The following FBF1 variants were observed in gnomAD, a reference collection of about 807,000 sequenced individuals.
FBF1 encodes the protein fas-binding factor 1.
A neutral mutation model predicts 147.2 loss-of-function variants in FBF1; 119 were observed. The ratio of observed to expected loss-of-function variants is 0.81; its 90% confidence interval spans 0.70 to 0.94. FBF1 has a LOEUF of 0.94. Ranked by LOEUF, FBF1 falls within the 40% of genes least tolerant of loss-of-function variation. FBF1 has a pLI of 0.00. For missense variants in FBF1, 1,449 were observed against 1,500.8 expected (o/e 0.97, Z 0.57); for synonymous variants, 601 against 609.0 (o/e 0.99, Z 0.19).
In FBF1 at chr17:75,914,879, C is replaced by T. The variant is rs751612554; in HGVS notation, c.2682G>A (p.Arg894=). The T allele has an allele frequency of 2.5e-6, 4 of 1,612,192 alleles. No individual in the cohort carries two copies. The Admixed American group carries it at 6.7e-5, about 27-fold the overall frequency. The change falls in exon 25 of 30, where the codon CGG becomes CGA. Residue 894 remains arginine (R), a synonymous_variant. Coordinates refer to ENST00000636174, the MANE Select transcript of FBF1 (RefSeq NM_001319193.2). ...KSVMLKCGEE[R]RRLAAEWAEF... is the part of the protein sequence containing the mutation. Reference sequence around the variant, plus strand: ...CCGCCCACTCGGCAGCCAGGCGCCGCCGCTCCTCCCCGCACTTGAGCATGA... The same window carrying T: ...CCGCCCACTCGGCAGCCAGGCGCCGTCGCTCCTCCCCGCACTTGAGCATGA...
In FBF1 at chr17:75,910,204, G is replaced by A. The variant is rs984039625; in HGVS notation, c.*519C>T. The A allele has an allele frequency of 5.3e-6, 2 of 379,824 alleles. No homozygotes were observed. Among genetic ancestry groups the A allele is most frequent in the Admixed American group, 7.2e-5 (2 of 27,900 alleles). The allele number at this position is 379,824 out of a possible 1,614,324, so 23.5% of individuals were successfully genotyped here. A position where few individuals can be genotyped will look rare whatever the true frequency, so the allele number is the denominator to read the frequency against. ...GTTCCAGGAACATCTCACACCACAAGGGAGGATCTAGCTGGTGCCCTCCCT... is the reference window on the plus strand; with the variant it reads ...GTTCCAGGAACATCTCACACCACAAAGGAGGATCTAGCTGGTGCCCTCCCT... On this transcript the variant is annotated 3_prime_UTR_variant, in exon 30 of 30. Transcript: ENST00000636174. This position sits in a 1 kb window ranked among gnomAD's most constrained non-coding sequence, Gnocchi z 4.1.
rs755440098 is a variant in FBF1, at chr17:75,921,527, T to G, written c.1560A>C (p.Ala520=). ...SPVTQNHAAS[A]LPTGSPKRGT... is the part of the protein sequence containing the mutation. ...CCCTCTTTGGGGAACCTGTAGGGAG[T>G]GCTGAGGCGGCATGGTTCTGAGTCA... Residue 520 remains alanine (A), a synonymous_variant, in exon 16 of 30, where the codon GCA becomes GCC. Coordinates refer to ENST00000636174, the MANE Select transcript of FBF1 (RefSeq NM_001319193.2). 6 of 1,612,446 alleles carry G rather than the reference T, an allele frequency of 3.7e-6. No homozygotes were observed. The East Asian group carries it at 1.3e-4, about 36-fold the overall frequency.
chr17:75,926,655 T>TC, intron 10 of FBF1, 103 bp downstream of exon 10: 1 of 1,504,820 alleles, frequency 6.6e-7, no homozygotes, highest in South Asian at 1.3e-5. Context: ...AGACCTCTGG[T>TC]CCCCACCTGG....
chr17:75,916,866 T>G (rs1171294963), intron 23 of FBF1, among the ~76,000 whole-genome samples: 1 of 152,248 alleles, frequency 6.6e-6, no homozygotes, highest in African/African-American at 2.4e-5. Context: ...TATTTATTTT[T>G]TTGAGACAGA....
At chr17:75,930,764 A>C (rs904657475) in intron 6 of FBF1, among the ~76,000 whole-genome samples, 1 of 152,200 alleles carries the variant, frequency 6.6e-6, no homozygotes, top group Admixed American at 6.5e-5. Context: ...TCTACTAAAA[A>C]TACAAAAATC....
Position 75,912,323 on chromosome 17 carries a change from A to G in FBF1, c.3248-16T>C. 1 of 1,556,082 alleles carries G rather than the reference A, an allele frequency of 6.4e-7. No homozygotes were observed. The highest frequency in any genetic ancestry group is 1.4e-5 in the African/African-American group (1 of 73,616). On this transcript the variant is annotated splice_polypyrimidine_tract_variant and intron_variant, in intron 28 of 29. Transcript: ENST00000636174. ...GGCATGAGGGCTGAAAAGGCCAAGG[A>G]GGAAGTCAGGGACCAAAGTGTTGGT...
intron 5 of FBF1, among the ~76,000 whole-genome samples, chr17:75,932,523 G>A (rs1381336642): frequency 1.3e-5 from 2 of 152,220 alleles, no homozygotes; most frequent in African/African-American, 4.8e-5. Flanking sequence ...AGACTGAGTG[G>A]ATCGCTTCAG....
Position 75,919,811 on chromosome 17 carries a change from G to T in FBF1, c.1995C>A (p.Asn665Lys), listed in dbSNP as rs771147418. The T allele has an allele frequency of 6.2e-7, 1 of 1,613,756 alleles. No homozygotes were observed. The highest frequency in any genetic ancestry group is 1.3e-5 in the African/African-American group (1 of 75,038). The stretch of plus-strand genomic sequence containing the variant: ...ACAGATACCGAGCTGACAGCTCTTC[G>T]TTCTCTCTCCGGAGCCGCTCCTCCC... ...QQREERLRRE[N>K]EELSARYLSQ... The change falls in exon 20 of 30, where the codon AAC (asparagine) becomes AAA (lysine). Residue 665 changes from asparagine (N) to lysine (K), a missense_variant. By Grantham distance (94) the Asn-to-Lys change is moderately conservative (BLOSUM62 0). Transcript: ENST00000636174. This position sits in a 1 kb window ranked among gnomAD's most constrained non-coding sequence, Gnocchi z 5.0.
At position 75,913,684 on chromosome 17, in the gene FBF1, C is replaced by T; in HGVS notation, c.3247+18G>A. 6.4e-7 allele frequency: 1 copy of T among 1,569,360 alleles called. No individual in the cohort carries two copies. Among genetic ancestry groups the T allele is most frequent in the Non-Finnish European group, 8.6e-7 (1 of 1,163,190 alleles). On this transcript the variant is annotated intron_variant, in intron 28 of 29. Transcript: ENST00000636174. ...GCCCAGTCCTGAGCCGCCGGCCCTT[C>T]CTTCTGGAGCCACTCACCACTCTGG...
rs1423532137 is a variant in FBF1 at position 75,915,036 on chromosome 17, G to A, written c.2609C>T (p.Ala870Val). ...VTAQQMAMERAELERAKSALL... is the reference protein window; with the variant it reads ...VTAQQMAMERVELERAKSALL... Reference sequence around the variant, plus strand: ...ACTCACCTTGGCCCGTTCCAGCTCCGCCCTTTCCATGGCCATCTGCTGGGC... The same window carrying A: ...ACTCACCTTGGCCCGTTCCAGCTCCACCCTTTCCATGGCCATCTGCTGGGC... Residue 870 changes from alanine (A) to valine (V), a missense_variant, in exon 24 of 30, where the codon GCG becomes GTG. By Grantham distance (64) the Ala-to-Val change is moderately conservative. Coordinates refer to ENST00000636174, the MANE Select transcript of FBF1 (RefSeq NM_001319193.2). 1.9e-6 allele frequency: 3 copies of A among 1,613,424 alleles called. No individual in the cohort carries two copies. The highest frequency in any genetic ancestry group is 2.5e-6 in the Non-Finnish European group (3 of 1,179,864).
chr17:75,922,129 C>T lies in FBF1; in HGVS notation c.1425-83G>A, dbSNP rs1405841554. On this transcript the variant is annotated intron_variant, in intron 14 of 29. Transcript: ENST00000636174. This position sits in a 1 kb window ranked among gnomAD's most constrained non-coding sequence, Gnocchi z 5.0. The stretch of plus-strand genomic sequence containing the variant: ...AAGACAGGGCCCAGGACGGGCTTCA[C>T]ACGTGAAGCTCGTGGCCCCCCTTCC... 6 of 1,210,538 alleles carry T rather than the reference C, an allele frequency of 5.0e-6. No individual in the cohort carries two copies. The highest frequency in any genetic ancestry group is 4.3e-5 in the Admixed American group (2 of 46,446). The allele number at this position is 1,210,538 out of a possible 1,614,324, so 75.0% of individuals were successfully genotyped here. A position where few individuals can be genotyped will look rare whatever the true frequency, so the allele number is the denominator to read the frequency against.
chr17:75,934,880 A>C lies in FBF1; in HGVS notation c.73+752T>G, dbSNP rs1391460088. Among the ~76,000 whole-genome samples, 5 of 131,268 alleles carry C rather than the reference A, an allele frequency of 3.8e-5. No individual in the cohort carries two copies. The South Asian group carries it at 6.8e-4, about 18-fold the overall frequency. 86.1% of individuals were successfully genotyped at this position (131,268 alleles called of 152,430 possible). ...GGCAACAAGAGTGAAACTCTGTCTC[A>C]AAAAAAAAAAAAAAAAAAGGTAAGA... is the stretch of plus-strand genomic sequence containing the variant. On this transcript the variant is annotated intron_variant, in intron 4 of 29. Coordinates refer to ENST00000636174, the MANE Select transcript of FBF1 (RefSeq NM_001319193.2).
At position 75,927,472 on chromosome 17, in the gene FBF1, C is replaced by A. The variant is rs745445826; in HGVS notation, c.458G>T (p.Arg153Met). The part of the protein sequence containing the change: ...PSPSSSGHQN[R>M]RFSSEDLEDP... ...TATGGTACCTTCAGAGGAAAACCTC[C>A]TGTTCTGATGCCCAGAGCTGCTGGG... The change falls in exon 9 of 30, where the codon AGG becomes ATG. Residue 153 changes from arginine (R) to methionine (M), a missense_variant. Coordinates refer to ENST00000636174, the MANE Select transcript of FBF1 (RefSeq NM_001319193.2). 6.3e-7 allele frequency: 1 copy of A among 1,598,302 alleles called. No individual in the cohort carries two copies. Among genetic ancestry groups the A allele is most frequent in the Admixed American group, 1.7e-5 (1 of 57,660 alleles).
Position 75,919,455 on chromosome 17 carries a change from C to T in FBF1, c.2138+213G>A, listed in dbSNP as rs1250152036. On this transcript the variant is annotated intron_variant, in intron 20 of 29. Coordinates refer to ENST00000636174, the MANE Select transcript of FBF1 (RefSeq NM_001319193.2). This position sits in a 1 kb window ranked among gnomAD's most constrained non-coding sequence, Gnocchi z 5.0. ...CATGCCTGAACAGCCTGTGGGTACC[C>T]CCTCCTGCCTCTGTAAGAGCAGGTG... is the stretch of plus-strand genomic sequence containing the variant. Among the ~76,000 whole-genome samples, 2 of 152,156 alleles carry T rather than the reference C, an allele frequency of 1.3e-5. No individual in the cohort carries two copies. Among genetic ancestry groups the T allele is most frequent in the Non-Finnish European group, 2.9e-5 (2 of 68,016 alleles).
chr17:75,929,945 A>AGGGGGGCCCCCCCCCC, intron 7 of FBF1, 52 bp downstream of exon 7: 1 of 650,890 alleles, frequency 1.5e-6, no homozygotes. Flanking sequence ...AAATATCATG[A>AGGGGGGCCCCCCCCCC]CCCCACCCCA....
In FBF1 at chr17:75,918,245, T is replaced by C. The variant is rs376511684; in HGVS notation, c.2163A>G (p.Arg721=). 3.8e-4 allele frequency: 614 copies of C among 1,613,352 alleles called. 12 individuals carry two copies. The South Asian group carries it at 6.5e-3, about 17-fold the overall frequency. ...GCCGCTGCAGCTGCTCCTCGTGGTC[T>C]CTGCGCATGTCTAGGATGGACGCCC... is the stretch of plus-strand genomic sequence containing the variant. ...LQRASILDMR[R]DHEEQLQRLK... is the part of the protein sequence containing the mutation. The change falls in exon 21 of 30, where the codon AGA becomes AGG. Residue 721 remains arginine, a synonymous_variant. Coordinates refer to ENST00000636174, the MANE Select transcript of FBF1 (RefSeq NM_001319193.2). The surrounding 1 kb of genome is among the most constrained non-coding windows in gnomAD (Gnocchi z 5.8).
rs1054741123 is a variant in FBF1, at chr17:75,910,431, G to C, written c.*292C>G. On this transcript the variant is annotated 3_prime_UTR_variant, in exon 30 of 30. Coordinates refer to ENST00000636174, the MANE Select transcript of FBF1 (RefSeq NM_001319193.2). This position sits in a 1 kb window ranked among gnomAD's most constrained non-coding sequence, Gnocchi z 4.1. ...AGGGGGAGCCCACAGAGCCCAGTGA[G>C]AGCTGGGGGTCCTTGCTGCCAACTC... is the stretch of plus-strand genomic sequence containing the variant. 2.4e-6 allele frequency: 1 copy of C among 423,782 alleles called. No homozygotes were observed. The highest frequency in any genetic ancestry group is 4.3e-6 in the Non-Finnish European group (1 of 232,584). 26.3% of individuals were successfully genotyped at this position (423,782 alleles called of 1,614,324 possible). A position where few individuals can be genotyped will look rare whatever the true frequency, so the allele number is the denominator to read the frequency against.
At position 75,912,218 on chromosome 17, in the gene FBF1, C is replaced by T; in HGVS notation, c.3337G>A (p.Ala1113Thr). 1 of 1,610,280 alleles carries T rather than the reference C, an allele frequency of 6.2e-7. No homozygotes were observed. Among genetic ancestry groups the T allele is most frequent in the Non-Finnish European group, 8.5e-7 (1 of 1,178,898 alleles). The change falls in exon 29 of 30, where the codon GCA becomes ACA. Residue 1113 changes from alanine (A) to threonine (T), a missense_variant. Physicochemically the swap from Ala to Thr is moderately conservative, Grantham distance 58 (BLOSUM62 0). Transcript: ENST00000636174. Reference protein sequence around the residue: ...PSPLHLHARLALLRHMAEQDR... With the variant: ...PSPLHLHARLTLLRHMAEQDR... ...TGCTCTGCCATGTGCCTCAGCAGTG[C>T]CAGCCTGGCATGGAGGTGCAAGGGG... is the stretch of plus-strand genomic sequence containing the variant.
rs115367724 is a variant in FBF1 at position 75,932,045 on chromosome 17, C to T, written c.168-756G>A. 5.7e-3 allele frequency among the ~76,000 whole-genome samples: 872 copies of T among 152,276 alleles called. 11 individuals carry two copies. The highest frequency in any genetic ancestry group is 0.02 in the African/African-American group (815 of 41,550). On this transcript the variant is annotated intron_variant, in intron 5 of 29. Coordinates refer to ENST00000636174, the MANE Select transcript of FBF1 (RefSeq NM_001319193.2). ...GAGGATAGAAGCCAGGACTGCTGAC[C>T]TTTTGTGCAGTTCTCTTTAACTTCC...
Sources: gnomAD v4.1 joint callset for allele counts (sites outside exome capture counted in the v4.1 genomes callset) on GRCh38, gnomAD v4.1.1 for gene constraint, Gnocchi (gnomAD v3.1) non-coding constraint, MANE v1.5 for transcripts, NCBI Gene and HGNC (gene_info 2026-07-23, HGNC 2026-07-21) for gene names.